DCPS: variants seen among roughly 807,000 people sequenced by gnomAD.
The protein encoded by DCPS is decapping enzyme, scavenger.
In DCPS, 27 loss-of-function variants were observed where a neutral mutation model predicts 34.7. That is an observed-to-expected ratio of 0.78 (90% CI 0.57 to 1.07). The LOEUF (loss-of-function observed/expected upper bound fraction) is 1.07. Ranked by LOEUF, DCPS falls within the 50% of genes least tolerant of loss-of-function variation. The pLI is 0.00. For missense variants in DCPS, 464 were observed against 436.9 expected, an observed-to-expected ratio of 1.06 and a Z score of -0.55; for synonymous variants, 185 against 185.7, an observed-to-expected ratio of 1.00 and a Z score of 0.03.
intron 2 of DCPS, among the ~76,000 whole-genome samples, chr11:126,310,580 A>T (rs1204602270): frequency 6.6e-6 from 1 of 152,206 alleles, no homozygotes; most frequent in Non-Finnish European, 1.5e-5. Flanking sequence ...CGCCCATATT[A>T]GGTGCTTTCA....
Position 126,346,863 on chromosome 11 carries a change from A to G in DCPS, c.*1250A>G, listed in dbSNP as rs771777582. Among the ~76,000 whole-genome samples the G allele has an allele frequency of 3.9e-5, 6 of 152,106 alleles. No homozygotes were observed. The highest frequency in any genetic ancestry group is 5.9e-5 in the Non-Finnish European group (4 of 68,018). On this transcript the variant is annotated 3_prime_UTR_variant, in exon 6 of 6. Transcript: ENST00000263579. This position sits in a 1 kb window ranked among gnomAD's most constrained non-coding sequence, Gnocchi z 4.1. ...GTCTCAGGGCCTGCTGTGGACCCCC[A>G]TGGTCCTGGGAGAGACTCCTTAGAA...
chr11:126,339,315 C>T (rs1175112002), intron 4 of DCPS, among the ~76,000 whole-genome samples: 7 of 152,158 alleles, frequency 4.6e-5, no homozygotes, highest in African/African-American at 7.2e-5. Flanking sequence ...TCGGTGGGCC[C>T]GTCTAGTTTC....
chr11:126,306,869 C>A (rs1565370334), intron 2 of DCPS, 125 bp downstream of exon 2: 17 of 1,160,618 alleles, frequency 1.5e-5, no homozygotes, highest in Non-Finnish European at 1.7e-5. Context: ...AGATTACTTC[C>A]CTAGGGGACA....
chr11:126,304,282 G>A lies in DCPS; in HGVS notation c.201+1G>A. Reference sequence around the variant, plus strand: ...CAAAATCATTTTCCTACACGGGAAGGTACCAGGAGGCAACCCTGAGGTGGG... The same window carrying A: ...CAAAATCATTTTCCTACACGGGAAGATACCAGGAGGCAACCCTGAGGTGGG... On this transcript the variant is annotated splice_donor_variant, in intron 1 of 5. Coordinates refer to ENST00000263579, the MANE Select transcript of DCPS (RefSeq NM_014026.6). LOFTEE classifies it high-confidence loss of function. 1 of 1,614,154 alleles carries A rather than the reference G, an allele frequency of 6.2e-7. No individual in the cohort carries two copies. Among genetic ancestry groups the A allele is most frequent in the Non-Finnish European group, 8.5e-7 (1 of 1,180,004 alleles).
Position 126,349,034 on chromosome 11 carries a change from A to G in DCPS, c.*3421A>G, listed in dbSNP as rs531873053. ...TAAGTGCTCAAAAAACATGTGGCGA[A>G]TGGAGGACCAGAGCTAGGCTCTGAA... On this transcript the variant is annotated 3_prime_UTR_variant, in exon 6 of 6. Transcript: ENST00000263579. The surrounding 1 kb of genome is among the most constrained non-coding windows in gnomAD (Gnocchi z 5.4). Among the ~76,000 whole-genome samples the G allele has an allele frequency of 2.1e-4, 32 of 152,322 alleles. No individual in the cohort carries two copies. In the South Asian group the frequency reaches 6.4e-3, roughly 31 times the overall value.
In DCPS at chr11:126,337,074, G is replaced by A. The variant is rs919457678; in HGVS notation, c.523-1212G>A. 6 of 152,228 alleles carry A rather than the reference G, an allele frequency of 3.9e-5. No homozygotes were observed. Among genetic ancestry groups the A allele is most frequent in the African/African-American group, 1.4e-4 (6 of 41,436 alleles). 9.4% of individuals were successfully genotyped at this position (152,228 alleles called of 1,614,324 possible). A position where few individuals can be genotyped will look rare whatever the true frequency, so the allele number is the denominator to read the frequency against. On this transcript the variant is annotated intron_variant, in intron 3 of 5. Coordinates refer to ENST00000263579, the MANE Select transcript of DCPS (RefSeq NM_014026.6). The surrounding 1 kb of genome is among the most constrained non-coding windows in gnomAD (Gnocchi z 5.3). ...TTGTGTGGACCATAAGGCAGTCCCC[G>A]TGCCTCTAGCCTTCGGTGATGCTAC... is the stretch of plus-strand genomic sequence containing the variant.
At position 126,349,360 on chromosome 11, in the gene DCPS, G is replaced by A. The variant is rs553728347; in HGVS notation, c.*3747G>A. On this transcript the variant is annotated 3_prime_UTR_variant, in exon 6 of 6. Coordinates refer to ENST00000263579, the MANE Select transcript of DCPS (RefSeq NM_014026.6). The surrounding 1 kb of genome is among the most constrained non-coding windows in gnomAD (Gnocchi z 5.4). ...CTAGATAAATCCTGGACGGCTCCAC[G>A]ACTGGCTTTTAGCCCTCAACACTTG... Among the ~76,000 whole-genome samples, 4 of 152,194 alleles carry A rather than the reference G, an allele frequency of 2.6e-5. No homozygotes were observed. Among genetic ancestry groups the A allele is most frequent in the Admixed American group, 6.5e-5 (1 of 15,276 alleles).
chr11:126,332,307 C>T lies in DCPS; in HGVS notation c.522+757C>T, dbSNP rs1288452467. The stretch of plus-strand genomic sequence containing the variant: ...TTTAGCTCCAAGATCCTGACTCCTC[C>T]CTGGGCCTAGGCCCAGCGCCAACTG... On this transcript the variant is annotated intron_variant, in intron 3 of 5. Coordinates refer to ENST00000263579, the MANE Select transcript of DCPS (RefSeq NM_014026.6). This position sits in a 1 kb window ranked among gnomAD's most constrained non-coding sequence, Gnocchi z 5.4. 6.6e-6 allele frequency among the ~76,000 whole-genome samples: 1 copy of T among 152,254 alleles called. No individual in the cohort carries two copies. Among genetic ancestry groups the T allele is most frequent in the Admixed American group, 6.5e-5 (1 of 15,290 alleles).
Position 126,327,476 on chromosome 11 carries a change from A to G in DCPS, c.377-3929A>G, listed in dbSNP as rs1456075059. On this transcript the variant is annotated intron_variant, in intron 2 of 5. Coordinates refer to ENST00000263579, the MANE Select transcript of DCPS (RefSeq NM_014026.6). This position sits in a 1 kb window ranked among gnomAD's most constrained non-coding sequence, Gnocchi z 4.1. ...GACTCGTGTTCCCTTTGTAATTAAT[A>G]AGTAATCTATGGGAGATATTTTTGA... Among the ~76,000 whole-genome samples the G allele has an allele frequency of 3.3e-5, 5 of 152,186 alleles. No individual in the cohort carries two copies. The East Asian group carries it at 9.6e-4, about 29-fold the overall frequency.
At chr11:126,308,398 C>G (rs1951591137) in intron 2 of DCPS, among the ~76,000 whole-genome samples, 1 of 152,172 alleles carries the variant, frequency 6.6e-6, no homozygotes, top group Admixed American at 6.5e-5. Flanking sequence ...TTTCTGCCCT[C>G]CATGAAAGGG....
chr11:126,320,480 G>GGCTGCAGT lies in DCPS; in HGVS notation c.377-10924_377-10923insCTGCAGTG, dbSNP rs1951697522. On this transcript the variant is annotated intron_variant, in intron 2 of 5. Coordinates refer to ENST00000263579, the MANE Select transcript of DCPS (RefSeq NM_014026.6). This position sits in a 1 kb window ranked among gnomAD's most constrained non-coding sequence, Gnocchi z 4.7. ...AGCCTGCTCTGACAATGATATTAAA[G>GGCTGCAGT]GAATATTCTTAAAAAAAAATTAACC... 2.6e-5 allele frequency among the ~76,000 whole-genome samples: 4 copies of GGCTGCAGT among 151,732 alleles called. No individual in the cohort carries two copies. Among genetic ancestry groups the GGCTGCAGT allele is most frequent in the African/African-American group, 9.7e-5 (4 of 41,362 alleles).
rs1477720082 is a variant in DCPS, at chr11:126,328,915, T to C, written c.377-2490T>C. On this transcript the variant is annotated intron_variant, in intron 2 of 5. Coordinates refer to ENST00000263579, the MANE Select transcript of DCPS (RefSeq NM_014026.6). The surrounding 1 kb of genome is among the most constrained non-coding windows in gnomAD (Gnocchi z 6.6). ...TAGGTGCTGTTATTGTTACCCCAGA[T>C]TGTAGAAGTCAGGAGACTGAAGCCA... 6.6e-6 allele frequency among the ~76,000 whole-genome samples: 1 copy of C among 152,194 alleles called. No individual in the cohort carries two copies. Among genetic ancestry groups the C allele is most frequent in the Non-Finnish European group, 1.5e-5 (1 of 68,020 alleles).
At position 126,322,678 on chromosome 11, in the gene DCPS, C is replaced by T. The variant is rs1338725325; in HGVS notation, c.377-8727C>T. Among the ~76,000 whole-genome samples, 3 of 151,976 alleles carry T rather than the reference C, an allele frequency of 2.0e-5. No homozygotes were observed. Among genetic ancestry groups the T allele is most frequent in the Non-Finnish European group, 4.4e-5 (3 of 68,018 alleles). ...CACAATCTCGGCTCACTGCAACCTC[C>T]GCCTCCGAGGTTCAAGTGATTCTCC... On this transcript the variant is annotated intron_variant, in intron 2 of 5. Coordinates refer to ENST00000263579, the MANE Select transcript of DCPS (RefSeq NM_014026.6). The surrounding 1 kb of genome is among the most constrained non-coding windows in gnomAD (Gnocchi z 4.2).
At chr11:126,316,411 G>T (rs1951659003) in intron 2 of DCPS, among the ~76,000 whole-genome samples, 1 of 151,224 alleles carries the variant, frequency 6.6e-6, no homozygotes, top group South Asian at 2.1e-4. Flanking sequence ...CTTCCAGTGT[G>T]ACCCAGGGAA....
At chr11:126,343,552 C>A (rs1033337659) in intron 5 of DCPS, 135 bp downstream of exon 5, 70 of 750,842 alleles carry the variant, frequency 9.3e-5, no homozygotes, top group Admixed American at 1.5e-4. Context: ...GTCTTGGGGA[C>A]CCCATTAGGC....
chr11:126,343,762 G>A (rs1420270662), intron 5 of DCPS, among the ~76,000 whole-genome samples: 1 of 152,272 alleles, frequency 6.6e-6, no homozygotes, highest in Non-Finnish European at 1.5e-5. Flanking sequence ...TCATGCCAGA[G>A]TTTCTTGGGA....
At position 126,328,052 on chromosome 11, in the gene DCPS, C is replaced by T. The variant is rs557715305; in HGVS notation, c.377-3353C>T. Among the ~76,000 whole-genome samples, 9 of 152,308 alleles carry T rather than the reference C, an allele frequency of 5.9e-5. No homozygotes were observed. Among genetic ancestry groups the T allele is most frequent in the East Asian group, 1.9e-4 (1 of 5,182 alleles). On this transcript the variant is annotated intron_variant, in intron 2 of 5. Transcript: ENST00000263579. This position sits in a 1 kb window ranked among gnomAD's most constrained non-coding sequence, Gnocchi z 6.6. ...GGATGAAGCGAGGAGCAGCGTGGCT[C>T]GTTGGGTAGGAGGGTCAGCTCGGCC... is the stretch of plus-strand genomic sequence containing the variant.
chr11:126,318,977 C>A (rs1455983171), intron 2 of DCPS, among the ~76,000 whole-genome samples: 1 of 152,186 alleles, frequency 6.6e-6, no homozygotes, highest in African/African-American at 2.4e-5. Context: ...CCCTGCCTCC[C>A]ACCTCTGAGA....
chr11:126,318,822 T>A (rs1951682147), intron 2 of DCPS, among the ~76,000 whole-genome samples: 1 of 152,210 alleles, frequency 6.6e-6, no homozygotes, highest in African/African-American at 2.4e-5. Context: ...GCAGTCTTGT[T>A]TGAACATGTG....
Sources: allele counts gnomAD v4.1 joint callset (sites outside exome capture counted in the v4.1 genomes callset), GRCh38; gene constraint gnomAD v4.1.1; non-coding constraint Gnocchi (gnomAD v3.1); transcripts MANE v1.5; gene names NCBI Gene and HGNC (gene_info 2026-07-23, HGNC 2026-07-21).